CCSER1: variants seen among roughly 807,000 people sequenced by gnomAD.
CCSER1 encodes coiled-coil serine rich protein 1, also known as serine-rich coiled-coil domain-containing protein 1.
Under a neutral mutation model 82.0 loss-of-function variants are expected in CCSER1, and 41 were observed. The observed-to-expected ratio is 0.50, with a 90% CI of 0.39 to 0.65. The LOEUF (loss-of-function observed/expected upper bound fraction) is 0.65, where lower values mean the gene tolerates loss of function less well. CCSER1 is among the 30% of genes least tolerant of loss of function. The pLI is 0.00. For synonymous variants in CCSER1, 414 were observed against 383.9 expected (o/e 1.08, Z -0.92); for missense variants, 1,119 against 1,064.2 (o/e 1.05, Z -0.72).
At chr4:90,409,993 A>G (rs1250248591) in intron 4 of CCSER1, among the ~76,000 whole-genome samples, 2 of 152,232 alleles carry the variant, frequency 1.3e-5, no homozygotes, top group Non-Finnish European at 2.9e-5. Context: ...AGTCTCGGAT[A>G]AAACAGACTT....
chr4:91,541,458 A>G (rs964483793), intron 10 of CCSER1, among the ~76,000 whole-genome samples: 1 of 152,060 alleles, frequency 6.6e-6, no homozygotes, highest in Non-Finnish European at 1.5e-5. Context: ...ATTCCCACCT[A>G]TGAGTGAGAA....
At chr4:90,461,096 C>T (rs1433100152) in intron 4 of CCSER1, among the ~76,000 whole-genome samples, 5 of 98,220 alleles carry the variant, frequency 5.1e-5, no homozygotes, top group African/African-American at 1.8e-4. Flanking sequence ...GACGGAGTCT[C>T]GCTCTGTCGC....
intron 9 of CCSER1, among the ~76,000 whole-genome samples, chr4:90,931,380 T>G (rs1309729385): frequency 6.8e-6 from 1 of 148,090 alleles, no homozygotes; most frequent in East Asian, 2.1e-4. Context: ...TGAATTTATA[T>G]AACTATTAGC....
chr4:91,088,483 A>G (rs1316537009), intron 10 of CCSER1, among the ~76,000 whole-genome samples: 3 of 152,210 alleles, frequency 2.0e-5, no homozygotes, highest in African/African-American at 7.2e-5. Context: ...TATATGCTGT[A>G]TAAAAATATA....
At chr4:91,261,489 A>C (rs1002078112) in intron 10 of CCSER1, among the ~76,000 whole-genome samples, 1 of 152,198 alleles carries the variant, frequency 6.6e-6, no homozygotes, top group African/African-American at 2.4e-5. Flanking sequence ...TGGATTTTGG[A>C]GTCATAGTAC....
chr4:91,378,505 T>C (rs1389829859), intron 10 of CCSER1, among the ~76,000 whole-genome samples: 1 of 152,214 alleles, frequency 6.6e-6, no homozygotes, highest in Non-Finnish European at 1.5e-5. Flanking sequence ...TTATTCTCTT[T>C]GAAGCAATTG....
intron 10 of CCSER1, among the ~76,000 whole-genome samples, chr4:91,289,464 G>A (rs1743581170): frequency 1.3e-5 from 2 of 152,038 alleles, no homozygotes; most frequent in Admixed American, 6.6e-5. Flanking sequence ...TTTAATGGAA[G>A]AGTTTGACAG....
intron 7 of CCSER1, among the ~76,000 whole-genome samples, chr4:90,776,217 T>C (rs1039747585): frequency 6.6e-6 from 1 of 152,190 alleles, no homozygotes; most frequent in African/African-American, 2.4e-5. Context: ...AGGTAAGTTT[T>C]GTGCTGTAAG....
chr4:90,138,634 G>C (rs1578148279), intron 1 of CCSER1, among the ~76,000 whole-genome samples: 1 of 152,322 alleles, frequency 6.6e-6, no homozygotes, highest in East Asian at 1.9e-4. Flanking sequence ...GGAGAATGGA[G>C]ATCAAAGGAG....
chr4:90,700,133 C>G (rs1737771690), intron 6 of CCSER1, among the ~76,000 whole-genome samples: 1 of 152,002 alleles, frequency 6.6e-6, no homozygotes, highest in Non-Finnish European at 1.5e-5. Context: ...GCTATCCCTC[C>G]CCACTCCCCT....
At chr4:91,024,881 A>G (rs1362683699) in intron 9 of CCSER1, among the ~76,000 whole-genome samples, 1 of 152,118 alleles carries the variant, frequency 6.6e-6, no homozygotes, top group Non-Finnish European at 1.5e-5. Context: ...AGAAGAATAT[A>G]GCTTCTTCAA....
intron 1 of CCSER1, among the ~76,000 whole-genome samples, chr4:90,144,632 A>G (rs923636675): frequency 1.3e-5 from 2 of 152,234 alleles, no homozygotes; most frequent in African/African-American, 2.4e-5. Flanking sequence ...AGTCATTAAT[A>G]ACAACTGGAT....
intron 10 of CCSER1, among the ~76,000 whole-genome samples, chr4:91,453,013 T>C (rs1755952614): frequency 6.6e-6 from 1 of 152,080 alleles, no homozygotes; most frequent in Non-Finnish European, 1.5e-5. Context: ...TACTCTCTTT[T>C]AAATGAAGTT....
intron 10 of CCSER1, among the ~76,000 whole-genome samples, chr4:91,494,146 C>T (rs948732228): frequency 4.0e-5 from 6 of 151,738 alleles, no homozygotes; most frequent in Non-Finnish European, 5.9e-5. Flanking sequence ...CCAAATCTTC[C>T]GGCCTTTTGA....
At chr4:90,841,453 C>A (rs759059789) in intron 8 of CCSER1, among the ~76,000 whole-genome samples, 5 of 151,576 alleles carry the variant, frequency 3.3e-5, no homozygotes, top group African/African-American at 4.8e-5. Flanking sequence ...TGGCAGATGC[C>A]TGTAGTCCCA....
At chr4:91,252,651 C>A (rs1402984061) in intron 10 of CCSER1, among the ~76,000 whole-genome samples, 1 of 152,074 alleles carries the variant, frequency 6.6e-6, no homozygotes, top group Non-Finnish European at 1.5e-5. Context: ...CATAAAGACA[C>A]AATTCTGTGA....
chr4:90,470,078 C>A (rs1175713699), intron 5 of CCSER1, among the ~76,000 whole-genome samples: 1 of 152,088 alleles, frequency 6.6e-6, no homozygotes, highest in Non-Finnish European at 1.5e-5. Context: ...TTAATAATCT[C>A]CTCTAAGTAC....
At chr4:90,824,566 T>C (rs1389958386) in intron 8 of CCSER1, among the ~76,000 whole-genome samples, 1 of 152,144 alleles carries the variant, frequency 6.6e-6, no homozygotes, top group Non-Finnish European at 1.5e-5. Flanking sequence ...TAAAATGGTA[T>C]GCCCTTGATA....
chr4:91,327,872 G>C (rs1462597176), intron 10 of CCSER1, among the ~76,000 whole-genome samples: 2 of 152,296 alleles, frequency 1.3e-5, no homozygotes, highest in Non-Finnish European at 2.9e-5. Context: ...AAGTTCCACA[G>C]ATCTCTAGAG....
Sources: allele counts gnomAD v4.1 joint callset (sites outside exome capture counted in the v4.1 genomes callset), GRCh38; gene constraint gnomAD v4.1.1; transcripts MANE v1.5; gene names NCBI Gene and HGNC (gene_info 2026-07-23, HGNC 2026-07-21).